Variants in POGZ observed in about 807,000 individuals in gnomAD.
POGZ encodes the protein pogo transposable element with ZNF domain.
Under a neutral mutation model 134.6 loss-of-function variants are expected in POGZ, and 17 were observed. The observed-to-expected ratio is 0.13, with a 90% CI of 0.09 to 0.19. The LOEUF is 0.19. Among genes scored for constraint, POGZ ranks in the 10% least tolerant of loss-of-function variants. The pLI, the probability that POGZ is intolerant of heterozygous loss-of-function variation, is 1.00. For missense variants in POGZ, 1,306 were observed against 1,769.7 expected (o/e 0.74, Z 4.70); for synonymous variants, 693 against 657.1 (o/e 1.05, Z -0.84).
At chr1:151,437,316 T>C (rs548320306) in intron 3 of POGZ, among the ~76,000 whole-genome samples, 1 of 152,330 alleles carries the variant, frequency 6.6e-6, no homozygotes, top group African/African-American at 2.4e-5. Flanking sequence ...TTATCAATTT[T>C]ACCCTTTATG....
chr1:151,414,998 C>T (rs1397304512), intron 10 of POGZ, among the ~76,000 whole-genome samples: 1 of 152,168 alleles, frequency 6.6e-6, no homozygotes, highest in East Asian at 1.9e-4. Context: ...CCCTCCTTAA[C>T]ACCTAACACA....
chr1:151,438,743 T>C (rs972797598), intron 3 of POGZ, among the ~76,000 whole-genome samples: 1 of 152,108 alleles, frequency 6.6e-6, no homozygotes, highest in Admixed American at 6.5e-5. Flanking sequence ...CCAGGCATGG[T>C]GGCATGTGCC....
chr1:151,458,718 C>A (rs1041439897), intron 1 of POGZ, among the ~76,000 whole-genome samples: 4 of 145,624 alleles, frequency 2.7e-5, no homozygotes, highest in Non-Finnish European at 6.1e-5. Flanking sequence ...CAGCGGGCCA[C>A]CGCCCGCGCC....
Position 151,429,631 on chromosome 1 carries a change from T to C in POGZ, c.540A>G (p.Gln180=), listed in dbSNP as rs1483594954. Residue 180 remains glutamine (Q), a synonymous_variant, in exon 5 of 19, where the codon CAA becomes CAG. Coordinates refer to ENST00000271715, the MANE Select transcript of POGZ (RefSeq NM_015100.4). ...GAACTAGTGTAATTGGTCTAACCGT[T>C]TGGCCTTGCTGTACGTTCAGCACAA... The part of the protein sequence containing the change: ...VGIVLNVQQG[Q]TVRPITLVPA... 3 of 1,608,688 alleles carry C rather than the reference T, an allele frequency of 1.9e-6. No homozygotes were observed. Among genetic ancestry groups the C allele is most frequent in the East Asian group, 2.2e-5 (1 of 44,832 alleles).
At position 151,418,215 on chromosome 1, in the gene POGZ, C is replaced by CAA. The variant is rs756434071; in HGVS notation, c.1678+5180_1678+5181dup. On this transcript the variant is annotated intron_variant, in intron 10 of 18. Transcript: ENST00000271715. Reference sequence around the variant, plus strand: ...TGAGCGACATAGCAAGACTCCTTCTCAAAAAAAAAAAAGATGTGGTATATA... The same window carrying CAA: ...TGAGCGACATAGCAAGACTCCTTCTCAAAAAAAAAAAAAAGATGTGGTATATA... Among the ~76,000 whole-genome samples the CAA allele has an allele frequency of 5.8e-4, 80 of 137,448 alleles. 1 individual carries two copies. The highest frequency in any genetic ancestry group is 2.1e-3 in the African/African-American group (79 of 37,566). The allele number at this position is 137,448 out of a possible 152,430, so 90.2% of individuals were successfully genotyped here.
intron 3 of POGZ, among the ~76,000 whole-genome samples, chr1:151,433,594 G>A (rs1390292993): frequency 2.4e-5 from 2 of 85,094 alleles, no homozygotes; most frequent in East Asian, 4.7e-4. Flanking sequence ...AGCAATAAGC[G>A]AAATTCCGTC....
rs556917832 is a variant in POGZ at position 151,408,080 on chromosome 1, C to A, written c.2375+20G>T. 14 of 1,551,490 alleles carry A rather than the reference C, an allele frequency of 9.0e-6. No individual in the cohort carries two copies. Among genetic ancestry groups the A allele is most frequent in the African/African-American group, 5.6e-5 (4 of 71,524 alleles). On this transcript the variant is annotated intron_variant, in intron 15 of 18. Transcript: ENST00000271715. Reference sequence around the variant, plus strand: ...GAATCTGAACTCTCAAGCTAAAACACTGGTTAAAAACCAACTTACTTGATC... The same window carrying A: ...GAATCTGAACTCTCAAGCTAAAACAATGGTTAAAAACCAACTTACTTGATC...
At position 151,404,885 on chromosome 1, in the gene POGZ, G is replaced by A; in HGVS notation, c.4150C>T (p.Leu1384Phe). 3.1e-6 allele frequency: 5 copies of A among 1,614,168 alleles called. No homozygotes were observed. Among genetic ancestry groups the A allele is most frequent in the Non-Finnish European group, 3.4e-6 (4 of 1,180,038 alleles). The change falls in exon 19 of 19, where the codon CTT becomes TTT. Residue 1384 changes from leucine to phenylalanine, a missense_variant. Physicochemically the swap from Leu to Phe is conservative, Grantham distance 22. Around this residue, in one of 10 missense-constraint regions of POGZ, gnomAD observed 107 missense variants for 97.9 expected, o/e 1.09. Coordinates refer to ENST00000271715, the MANE Select transcript of POGZ (RefSeq NM_015100.4). ...SPEETIEPES[L>F]HQLFEGESET... is the part of the protein sequence containing the mutation. ...CTTTCACCCTCAAAGAGCTGGTGAA[G>A]ACTTTCAGGCTCAATTGTCTCTTCA...
rs561506702 is a variant in POGZ, at chr1:151,451,324, T to A, written c.-2+7828A>T. Reference sequence around the variant, plus strand: ...AATCAAATCAATTATTTATTTATTTTATTTTTTTTTAAATTTTTTGAGATG... The same window carrying A: ...AATCAAATCAATTATTTATTTATTTAATTTTTTTTTAAATTTTTTGAGATG... On this transcript the variant is annotated intron_variant, in intron 1 of 18. Transcript: ENST00000271715. 5.4e-4 allele frequency among the ~76,000 whole-genome samples: 82 copies of A among 151,634 alleles called. 1 individual carries two copies. The East Asian group carries it at 6.8e-3, about 13-fold the overall frequency.
Position 151,440,925 on chromosome 1 carries a change from T to C in POGZ, c.283+3A>G. The C allele has an allele frequency of 2.5e-6, 4 of 1,612,240 alleles. No homozygotes were observed. The highest frequency in any genetic ancestry group is 3.4e-6 in the Non-Finnish European group (4 of 1,178,540). On this transcript the variant is annotated splice_donor_region_variant and intron_variant, in intron 3 of 18. Coordinates refer to ENST00000271715, the MANE Select transcript of POGZ (RefSeq NM_015100.4). ...ATTATTATTTCCCAATAATCCCACT[T>C]ACCATTGTTGTTGGCAATTAGTGTG...
At chr1:151,413,619 C>G (rs1485246798) in intron 10 of POGZ, among the ~76,000 whole-genome samples, 1 of 151,950 alleles carries the variant, frequency 6.6e-6, no homozygotes, top group East Asian at 1.9e-4. Flanking sequence ...CCCCTACACC[C>G]CAGCCAAAGA....
At chr1:151,458,818 C>G (rs1663125222) in intron 1 of POGZ, among the ~76,000 whole-genome samples, 1 of 145,512 alleles carries the variant, frequency 6.9e-6, no homozygotes, top group African/African-American at 2.5e-5. Flanking sequence ...AGTGCGCGCG[C>G]GCGCGCCGCG....
intron 10 of POGZ, among the ~76,000 whole-genome samples, chr1:151,413,243 T>C (rs1181116002): frequency 6.6e-6 from 1 of 151,396 alleles, no homozygotes; most frequent in East Asian, 2.0e-4. Context: ...GCCTCCCAAG[T>C]AGCTAGGACT....
rs746858187 is a variant in POGZ, at chr1:151,408,838, G to A, written c.1927-10C>T. 6.5e-7 allele frequency: 1 copy of A among 1,536,506 alleles called. No individual in the cohort carries two copies. Among genetic ancestry groups the A allele is most frequent in the South Asian group, 1.1e-5 (1 of 87,226 alleles). On this transcript the variant is annotated splice_polypyrimidine_tract_variant and intron_variant, in intron 12 of 18. Coordinates refer to ENST00000271715, the MANE Select transcript of POGZ (RefSeq NM_015100.4). ...GATAAACATTTCTCTTCTGAAGTGG[G>A]GGAGGGAAAAAAAGAGACAAAATCC...
chr1:151,431,443 TA>T (rs1453790549), intron 3 of POGZ, among the ~76,000 whole-genome samples: 2 of 152,226 alleles, frequency 1.3e-5, no homozygotes, highest in Non-Finnish European at 2.9e-5. Flanking sequence ...TTAAAAAGAA[TA>T]TTCATCAACA....
intron 1 of POGZ, among the ~76,000 whole-genome samples, chr1:151,455,894 CTTTTTTTTTTTTT>C (rs768038263): frequency 1.7e-5 from 2 of 117,590 alleles, no homozygotes; most frequent in South Asian, 2.7e-4. Flanking sequence ...TAGTTTCTTT[CTTTTTTTTTTTTT>C]TTTTTTTTTT....
rs556576471 is a variant in POGZ, at chr1:151,449,700, T to A, written c.-1-7495A>T. Reference sequence around the variant, plus strand: ...TCACGAGGTCAGGAGATCAAGACCATCCTGGCTAACACGGTGAAACCCCGT... The same window carrying A: ...TCACGAGGTCAGGAGATCAAGACCAACCTGGCTAACACGGTGAAACCCCGT... On this transcript the variant is annotated intron_variant, in intron 1 of 18. Coordinates refer to ENST00000271715, the MANE Select transcript of POGZ (RefSeq NM_015100.4). Among the ~76,000 whole-genome samples, 17 of 152,264 alleles carry A rather than the reference T, an allele frequency of 1.1e-4. No individual in the cohort carries two copies. In the East Asian group the frequency reaches 2.9e-3, roughly 26 times the overall value.
At chr1:151,427,653 T>A (rs1657992134) in intron 7 of POGZ, 170 bp downstream of exon 7, 3 of 588,044 alleles carry the variant, frequency 5.1e-6, no homozygotes, top group Non-Finnish European at 6.0e-6. Flanking sequence ...GCTGATTCAG[T>A]TACACTTTTT....
chr1:151,409,401 GTC>G (rs57011860), intron 12 of POGZ, among the ~76,000 whole-genome samples: 97,463 of 151,850 alleles, frequency 0.64, 34,775 homozygotes, highest in Non-Finnish European at 0.82. Flanking sequence ...TTGAGACAGG[GTC>G]TCTCTCTGTA....
Sources: allele counts gnomAD v4.1 joint callset (sites outside exome capture counted in the v4.1 genomes callset), GRCh38; gene constraint gnomAD v4.1.1; regional missense constraint gnomAD v4.1.1; transcripts MANE v1.5; gene names NCBI Gene and HGNC (gene_info 2026-07-23, HGNC 2026-07-21).